TBC1D12: variants seen among roughly 807,000 people sequenced by gnomAD.
TBC1D12 encodes TBC1 domain family, member 12.
A neutral mutation model predicts 86.7 loss-of-function variants in TBC1D12; 56 were observed. The observed-to-expected ratio is 0.65, with a 90% CI of 0.52 to 0.81. The LOEUF is 0.81. TBC1D12 is among the 30% of genes least tolerant of loss of function. The pLI, the probability that TBC1D12 is intolerant of heterozygous loss-of-function variation, is 0.00. For synonymous variants in TBC1D12, 421 were observed against 411.7 expected, an observed-to-expected ratio of 1.02 and a Z score of -0.27; for missense variants, 1,023 against 1,038.8, an observed-to-expected ratio of 0.98 and a Z score of 0.21.
At chr10:94,434,202 A>G (rs2055260612) in intron 1 of TBC1D12, among the ~76,000 whole-genome samples, 1 of 152,152 alleles carries the variant, frequency 6.6e-6, no homozygotes, top group Non-Finnish European at 1.5e-5. Context: ...CTCCTCAGCT[A>G]TGGATTAAAA....
At chr10:94,433,194 C>T (rs1471276887) in intron 1 of TBC1D12, among the ~76,000 whole-genome samples, 2 of 152,072 alleles carry the variant, frequency 1.3e-5, no homozygotes, top group South Asian at 2.1e-4. Context: ...AGCAAGACTT[C>T]GTCTCGGAAA....
intron 12 of TBC1D12, among the ~76,000 whole-genome samples, chr10:94,531,679 TTTATTTTATGTTATTTTATGTTATG>T (rs1564996559): frequency 3.9e-4 from 52 of 133,048 alleles, no homozygotes; most frequent in African/African-American, 1.4e-3. Flanking sequence ...TTTATTTTAT[TTTATTTTATGTTATTTTATGTTATG>T]TTATTTTATG....
intron 6 of TBC1D12, among the ~76,000 whole-genome samples, chr10:94,505,885 T>C (rs995365734): frequency 6.6e-6 from 1 of 152,130 alleles, no homozygotes; most frequent in African/African-American, 2.4e-5. Flanking sequence ...ATGAAACATG[T>C]TGCCACTTTA....
intron 2 of TBC1D12, among the ~76,000 whole-genome samples, 197 bp downstream of exon 2, chr10:94,442,216 TC>T (rs1276616613): frequency 6.6e-6 from 1 of 152,114 alleles, no homozygotes; most frequent in Non-Finnish European, 1.5e-5. Flanking sequence ...TTTTCTGTTA[TC>T]TTTTATAATT....
rs192668854 is a variant in TBC1D12 at position 94,441,998 on chromosome 10, A to G, written c.1074A>G (p.Lys358=). The G allele has an allele frequency of 2.4e-3, 3,837 of 1,612,978 alleles. 11 individuals are homozygous for G. The highest frequency in any genetic ancestry group is 3.0e-3 in the Non-Finnish European group (3,535 of 1,179,540). ...TCCCTCCTAGAGAGAATCTTCAGAA[A>G]ACATCCAAAATCATTCAGCAGGTAA... The part of the protein sequence containing the change: ...GKVPPRENLQ[K]TSKIIQQEYE... Residue 358 remains lysine, a synonymous_variant, in exon 2 of 13, where the codon AAA becomes AAG. Transcript: ENST00000225235.
intron 2 of TBC1D12, among the ~76,000 whole-genome samples, chr10:94,474,233 C>A (rs1000517282): frequency 2.6e-5 from 4 of 151,984 alleles, no homozygotes; most frequent in African/African-American, 9.7e-5. Context: ...TTAAGAATGT[C>A]TTCCTAAAAC....
At chr10:94,407,464 C>T (rs911211079) in intron 1 of TBC1D12, among the ~76,000 whole-genome samples, 27 of 152,300 alleles carry the variant, frequency 1.8e-4, no homozygotes, top group Non-Finnish European at 1.6e-4. Context: ...GGTGGATCAC[C>T]TGAGGTCAAG....
intron 1 of TBC1D12, among the ~76,000 whole-genome samples, chr10:94,419,791 C>G (rs111378351): frequency 6.6e-6 from 1 of 152,276 alleles, no homozygotes; most frequent in African/African-American, 2.4e-5. Context: ...CTATTTAATA[C>G]ATTTAATACC....
chr10:94,476,652 C>T (rs1277115058), intron 3 of TBC1D12, among the ~76,000 whole-genome samples: 4 of 151,996 alleles, frequency 2.6e-5, no homozygotes, highest in East Asian at 1.9e-4. Flanking sequence ...AGAATTTATC[C>T]GAAATGGATT....
intron 6 of TBC1D12, among the ~76,000 whole-genome samples, chr10:94,505,044 A>G (rs536449900): frequency 6.6e-6 from 1 of 152,030 alleles, no homozygotes; most frequent in African/African-American, 2.4e-5. Context: ...TCATTACCAC[A>G]TTTTTATTAT....
At chr10:94,472,710 A>G (rs574881081) in intron 2 of TBC1D12, among the ~76,000 whole-genome samples, 1 of 152,338 alleles carries the variant, frequency 6.6e-6, no homozygotes, top group South Asian at 2.1e-4. Context: ...GCATGATTAT[A>G]TATTCTAGAT....
At chr10:94,463,479 T>C (rs964974257) in intron 2 of TBC1D12, among the ~76,000 whole-genome samples, 5 of 152,192 alleles carry the variant, frequency 3.3e-5, no homozygotes, top group African/African-American at 1.2e-4. Context: ...ACTCTCATGA[T>C]AATATGTTAA....
At chr10:94,489,005 C>T (rs943739186) in intron 3 of TBC1D12, among the ~76,000 whole-genome samples, 1 of 152,184 alleles carries the variant, frequency 6.6e-6, no homozygotes, top group African/African-American at 2.4e-5. Context: ...CCCAAATGTC[C>T]TGTCTGGTGT....
chr10:94,525,097 T>C (rs1219139995), intron 11 of TBC1D12, among the ~76,000 whole-genome samples: 6 of 152,158 alleles, frequency 3.9e-5, no homozygotes, highest in African/African-American at 1.4e-4. Flanking sequence ...CCAGAAACCA[T>C]ATTCTTTATA....
At chr10:94,510,942 T>C (rs2056518108) in intron 8 of TBC1D12, among the ~76,000 whole-genome samples, 1 of 152,172 alleles carries the variant, frequency 6.6e-6, no homozygotes, top group Admixed American at 6.5e-5. Context: ...TTTCTGCTGA[T>C]GGTGTATTAC....
chr10:94,486,136 C>CTTTTTTTTTTT (rs760373766), intron 3 of TBC1D12, among the ~76,000 whole-genome samples: 113 of 120,838 alleles, frequency 9.4e-4, no homozygotes, highest in African/African-American at 1.1e-3. Flanking sequence ...TCTTCTTCTT[C>CTTTTTTTTTTT]TTCTTTTTTT....
chr10:94,415,676 G>A (rs1348636590), intron 1 of TBC1D12, among the ~76,000 whole-genome samples: 1 of 152,184 alleles, frequency 6.6e-6, no homozygotes, highest in Non-Finnish European at 1.5e-5. Context: ...GGAGCTTGCA[G>A]TGAGCTGAGA....
chr10:94,458,988 G>T (rs1377738073), intron 2 of TBC1D12, among the ~76,000 whole-genome samples: 3 of 152,130 alleles, frequency 2.0e-5, no homozygotes, highest in African/African-American at 7.2e-5. Flanking sequence ...GGACCCAAGC[G>T]GGTTGGCGTT....
rs78126071 is a variant in TBC1D12, at chr10:94,434,504, T to TA, written c.972-7376dup. ...CTGGACGACACAGCAAGACTCCATT[T>TA]AAAAAAAAAAAAAAAAGAAAAAGAA... is the stretch of plus-strand genomic sequence containing the variant. On this transcript the variant is annotated intron_variant, in intron 1 of 12. Coordinates refer to ENST00000225235, the MANE Select transcript of TBC1D12 (RefSeq NM_015188.2). Among the ~76,000 whole-genome samples the TA allele has an allele frequency of 1.8e-3, 240 of 135,312 alleles. 1 individual carries two copies. The highest frequency in any genetic ancestry group is 0.016 in the East Asian group (76 of 4,778). The allele number at this position is 135,312 out of a possible 152,430, so 88.8% of individuals were successfully genotyped here.
Sources: gnomAD v4.1 joint callset for allele counts (sites outside exome capture counted in the v4.1 genomes callset) on GRCh38, gnomAD v4.1.1 for gene constraint, MANE v1.5 for transcripts, NCBI Gene and HGNC (gene_info 2026-07-23, HGNC 2026-07-21) for gene names.